Variants in LRRIQ1 observed in about 807,000 individuals in gnomAD.
The protein encoded by LRRIQ1 is leucine-rich repeat- and IQ domain-containing protein 1.
A neutral mutation model predicts 211.9 loss-of-function variants in LRRIQ1; 210 were observed. That is an observed-to-expected ratio of 0.99 (90% CI 0.89 to 1.11). The LOEUF (loss-of-function observed/expected upper bound fraction) is 1.11. LRRIQ1 is among the 50% of genes most tolerant of loss of function. The pLI is 0.00. For synonymous variants in LRRIQ1, 699 were observed against 650.1 expected (o/e 1.08, Z -1.14); for missense variants, 2,136 against 1,939.5 (o/e 1.10, Z -1.90).
Position 85,245,043 on chromosome 12 carries a change from A to AT in LRRIQ1, c.*108dup. On this transcript the variant is annotated 3_prime_UTR_variant, in exon 27 of 27. Transcript: ENST00000393217. Reference sequence around the variant, plus strand: ...GAACTGCCCAAAAATGTGTATTTAAATTTTTTCTTTCTTTAAATATCCTCT... The same window carrying AT: ...GAACTGCCCAAAAATGTGTATTTAAATTTTTTTCTTTCTTTAAATATCCTCT... 1 of 1,426,184 alleles carries AT rather than the reference A, an allele frequency of 7.0e-7. No individual in the cohort carries two copies. The highest frequency in any genetic ancestry group is 9.3e-7 in the Non-Finnish European group (1 of 1,080,162). The allele number at this position is 1,426,184 out of a possible 1,614,324, so 88.3% of individuals were successfully genotyped here. A position where few individuals can be genotyped will look rare whatever the true frequency, so the allele number is the denominator to read the frequency against.
chr12:85,107,433 GTCTT>G (rs1316789977), intron 15 of LRRIQ1, among the ~76,000 whole-genome samples: 1 of 151,954 alleles, frequency 6.6e-6, no homozygotes, highest in Non-Finnish European at 1.5e-5. Context: ...TGACATTCTT[GTCTT>G]TCTTTCTCTA....
At position 85,169,404 on chromosome 12, in the gene LRRIQ1, A is replaced by T. The variant is rs188684150; in HGVS notation, c.4822+8690A>T. Among the ~76,000 whole-genome samples the T allele has an allele frequency of 4.8e-3, 737 of 152,286 alleles. 4 individuals carry two copies. The highest frequency in any genetic ancestry group is 7.8e-3 in the Non-Finnish European group (529 of 68,016). On this transcript the variant is annotated intron_variant, in intron 24 of 26. Transcript: ENST00000393217. Reference sequence around the variant, plus strand: ...TTTGATTTTTTTAATGTGATATGATAGCTCTTGATATAATTAAGTATCTAA... The same window carrying T: ...TTTGATTTTTTTAATGTGATATGATTGCTCTTGATATAATTAAGTATCTAA...
chr12:85,207,474 C>T (rs1278551784), intron 24 of LRRIQ1, among the ~76,000 whole-genome samples: 1 of 152,126 alleles, frequency 6.6e-6, no homozygotes, highest in Non-Finnish European at 1.5e-5. Flanking sequence ...CAGTCTGTGT[C>T]TTGTCTGCCC....
chr12:85,207,917 G>A lies in LRRIQ1; in HGVS notation c.4823-21600G>A, dbSNP rs114357197. The stretch of plus-strand genomic sequence containing the variant: ...TATATTCTTTCACCAATACCATACT[G>A]TCTTTTTGTTTTGTTTCAACACTCT... On this transcript the variant is annotated intron_variant, in intron 24 of 26. Transcript: ENST00000393217. 5.0e-3 allele frequency among the ~76,000 whole-genome samples: 761 copies of A among 151,806 alleles called. 12 individuals are homozygous for A. The highest frequency in any genetic ancestry group is 0.017 in the African/African-American group (717 of 41,416).
chr12:85,066,302 A>G (rs1418697764), intron 9 of LRRIQ1, among the ~76,000 whole-genome samples: 1 of 151,846 alleles, frequency 6.6e-6, no homozygotes, highest in East Asian at 1.9e-4. Context: ...CACCAGGTCC[A>G]GTTCCTTGGA....
intron 6 of LRRIQ1, chr12:85,047,945 A>T: frequency 6.4e-6 from 1 of 156,038 alleles, no homozygotes. Flanking sequence ...TTTGGTGTGA[A>T]GTTTTGTACT....
At chr12:85,210,361 T>A (rs1893781434) in intron 24 of LRRIQ1, among the ~76,000 whole-genome samples, 1 of 152,172 alleles carries the variant, frequency 6.6e-6, no homozygotes, top group Non-Finnish European at 1.5e-5. Context: ...CTAATATAAT[T>A]TTTAGTTACA....
At chr12:85,152,147 T>G (rs1374464591) in intron 19 of LRRIQ1, 133 bp from the exon 20 acceptor site, 1 of 649,972 alleles carries the variant, frequency 1.5e-6, no homozygotes, top group Admixed American at 3.4e-5. Context: ...CTCACAATAG[T>G]AAGTAGAAAA....
intron 8 of LRRIQ1, among the ~76,000 whole-genome samples, chr12:85,063,492 A>G (rs1882089427): frequency 6.6e-6 from 1 of 151,862 alleles, no homozygotes; most frequent in South Asian, 2.1e-4. Flanking sequence ...ACATTATAGT[A>G]GATGGGGTAT....
At chr12:85,100,435 A>G (rs928292783) in intron 13 of LRRIQ1, among the ~76,000 whole-genome samples, 2 of 151,736 alleles carry the variant, frequency 1.3e-5, no homozygotes, top group African/African-American at 4.8e-5. Context: ...AATGATTAAT[A>G]CAAATGTTTT....
chr12:85,117,548 T>G (rs1223369739), intron 15 of LRRIQ1, among the ~76,000 whole-genome samples: 1 of 152,170 alleles, frequency 6.6e-6, no homozygotes, highest in Non-Finnish European at 1.5e-5. Flanking sequence ...TTTTTCACAT[T>G]CATTCACTCA....
chr12:85,196,358 C>A (rs1176829940), intron 24 of LRRIQ1, among the ~76,000 whole-genome samples: 1 of 152,034 alleles, frequency 6.6e-6, no homozygotes, highest in Non-Finnish European at 1.5e-5. Flanking sequence ...AAAAAGAGCC[C>A]ACATCGCCAA....
In LRRIQ1 at chr12:85,261,027, C is replaced by G. The variant is rs1034394513; in HGVS notation, c.122-1888C>G. Among the ~76,000 whole-genome samples the G allele has an allele frequency of 2.0e-5, 3 of 152,180 alleles. No individual in the cohort carries two copies. The East Asian group carries it at 5.8e-4, about 29-fold the overall frequency. ...CAGCGTAGAATGAATCTGGCTAACA[C>G]GTGGAAGTCAACTTCAGTTGGCATC... is the stretch of plus-strand genomic sequence containing the variant. On this transcript the variant is annotated intron_variant, in intron 1 of 1. Transcript: ENST00000602731.
intron 24 of LRRIQ1, among the ~76,000 whole-genome samples, chr12:85,184,286 G>A (rs2660454): frequency 0.6 from 90,818 of 151,844 alleles, 29,519 homozygotes; most frequent in African/African-American, 0.87. Context: ...AGATGTCTCT[G>A]AAAGATTAAC....
At chr12:85,247,607 A>G (rs1227244376), downstream of LRRIQ1, among the ~76,000 whole-genome samples, 1 of 151,544 alleles carries the variant, frequency 6.6e-6, no homozygotes, top group African/African-American at 2.4e-5. Context: ...TGTTTATATC[A>G]TAGTTTTAGT....
At chr12:85,064,062 A>G (rs746452491) in intron 8 of LRRIQ1, among the ~76,000 whole-genome samples, 14 of 151,812 alleles carry the variant, frequency 9.2e-5, no homozygotes, top group Non-Finnish European at 1.8e-4. Flanking sequence ...TAGCAGCAGT[A>G]TTGCTGGAAC....
At chr12:85,045,977 A>G (rs1432308034) in intron 4 of LRRIQ1, 43 bp from the exon 5 acceptor site, 1 of 1,136,282 alleles carries the variant, frequency 8.8e-7, no homozygotes, top group Non-Finnish European at 1.3e-6. Flanking sequence ...TTTACTCTCT[A>G]TTTTGATTTT....
At chr12:85,086,309 A>G (rs1013232878) in intron 11 of LRRIQ1, among the ~76,000 whole-genome samples, 6 of 152,020 alleles carry the variant, frequency 3.9e-5, no homozygotes, top group African/African-American at 1.4e-4. Context: ...GTGGGGCCTG[A>G]TGGGAGGTGT....
chr12:85,123,491 T>G (rs1483399439), intron 16 of LRRIQ1, among the ~76,000 whole-genome samples: 1 of 152,124 alleles, frequency 6.6e-6, no homozygotes, highest in Non-Finnish European at 1.5e-5. Context: ...AAATTTTGAT[T>G]AATTATACAA....
Sources: gnomAD v4.1 joint callset for allele counts (sites outside exome capture counted in the v4.1 genomes callset) on GRCh38, gnomAD v4.1.1 for gene constraint, MANE v1.5 for transcripts, NCBI Gene and HGNC (gene_info 2026-07-23, HGNC 2026-07-21) for gene names.